The following RNF213 variants were observed in gnomAD, a reference collection of about 807,000 sequenced individuals.
RNF213 encodes the protein ring finger protein 213.
A neutral mutation model predicts 514.4 loss-of-function variants in RNF213; 341 were observed. The observed-to-expected ratio is 0.66, with a 90% confidence interval of 0.61 to 0.73. The LOEUF (loss-of-function observed/expected upper bound fraction) is 0.73, where lower values mean the gene tolerates loss of function less well. RNF213 is among the 30% of genes least tolerant of loss of function. RNF213 has a pLI of 0.00. For synonymous variants in RNF213, 2,655 were observed against 2,658.2 expected, an observed-to-expected ratio of 1.00 and a Z score of 0.04; for missense variants, 5,767 against 6,615.6, an observed-to-expected ratio of 0.87 and a Z score of 4.45.
intron 28 of RNF213, 123 bp from the exon 29 acceptor site, chr17:80,344,555 A>G: frequency 9.5e-7 from 1 of 1,051,868 alleles, no homozygotes. Context: ...ACAGAAAGCT[A>G]CATATTTTCA....
chr17:80,368,947 A>G (rs977151165), intron 44 of RNF213, among the ~76,000 whole-genome samples: 5 of 152,220 alleles, frequency 3.3e-5, no homozygotes, highest in Admixed American at 1.3e-4. Flanking sequence ...AGCCCAGTGG[A>G]TGGGTTCTTT....
In RNF213 at chr17:80,263,807, G is replaced by A; in HGVS notation, c.97+29G>A. On this transcript the variant is annotated intron_variant, in intron 2 of 67. Transcript: ENST00000582970. This position sits in a 1 kb window ranked among gnomAD's most constrained non-coding sequence, Gnocchi z 4.9. ...AGGCCCAGGGGTGCTGGTGGAGGCT[G>A]GGGCAGTGGGGACCCCTGGAGATGT... 1 of 1,596,544 alleles carries A rather than the reference G, an allele frequency of 6.3e-7. No individual in the cohort carries two copies. Among genetic ancestry groups the A allele is most frequent in the Non-Finnish European group, 8.6e-7 (1 of 1,164,106 alleles).
intron 39 of RNF213, 55 bp downstream of exon 39, chr17:80,361,943 T>G: frequency 6.4e-7 from 1 of 1,569,444 alleles, no homozygotes; most frequent in Non-Finnish European, 8.7e-7. Flanking sequence ...TGATGGGGAC[T>G]GGATGCAGAC....
intron 52 of RNF213, 44 bp downstream of exon 52, chr17:80,376,587 C>G: frequency 1.2e-6 from 2 of 1,613,020 alleles, no homozygotes; most frequent in South Asian, 2.2e-5. Flanking sequence ...TGGAACACCC[C>G]CCAGAGCTTG....
rs1444613517 is a variant in RNF213, at chr17:80,332,203, G to A, written c.3715G>A (p.Glu1239Lys). ...CCACATCTTCCAGCTCTTCTGGCGG[G>A]AAGCCGCAGAGCCGCTGAGTGAGCC... is the stretch of plus-strand genomic sequence containing the variant. ...DSHIFQLFWR[E>K]AAEPLSEPKE... The change falls in exon 21 of 68, where the codon GAA becomes AAA. Residue 1239 changes from glutamate (E) to lysine (K), a missense_variant. Physicochemically the swap from Glu to Lys is moderately conservative, Grantham distance 56. This residue lies in a region of RNF213 where 516 missense variants were observed against 566.5 expected (regional missense o/e 0.91). Transcript: ENST00000582970. The A allele has an allele frequency of 7.2e-6, 11 of 1,537,064 alleles. No individual in the cohort carries two copies. Among genetic ancestry groups the A allele is most frequent in the Non-Finnish European group, 9.6e-6 (11 of 1,146,926 alleles).
intron 11 of RNF213, among the ~76,000 whole-genome samples, chr17:80,300,191 G>A (rs2045123052): frequency 1.3e-5 from 2 of 151,936 alleles, no homozygotes; most frequent in Admixed American, 1.3e-4. Flanking sequence ...CTTTTTCTCC[G>A]CAACCTCACC....
At chr17:80,364,322 T>C (rs2079170706) in intron 41 of RNF213, 111 bp from the exon 42 acceptor site, 1 of 1,488,006 alleles carries the variant, frequency 6.7e-7, no homozygotes, top group East Asian at 2.3e-5. Flanking sequence ...TCCCAGCCGC[T>C]GGGCCTGGAC....
At chr17:80,269,756 A>G (rs2043756617) in intron 2 of RNF213, among the ~76,000 whole-genome samples, 1 of 151,634 alleles carries the variant, frequency 6.6e-6, no homozygotes, top group African/African-American at 2.4e-5. Flanking sequence ...CATCTTATCT[A>G]TCCATCCGTC....
At chr17:80,381,153 G>GT (rs1294441340) in intron 56 of RNF213, 166 bp downstream of exon 56, 2 of 755,190 alleles carry the variant, frequency 2.6e-6, no homozygotes, top group African/African-American at 3.4e-5. Context: ...CCCCTGTGGC[G>GT]TATGATGGTA....
rs189100545 is a variant in RNF213, at chr17:80,377,353, T to C, written c.13510+390T>C. Among the ~76,000 whole-genome samples, 3 of 152,116 alleles carry C rather than the reference T, an allele frequency of 2.0e-5. No individual in the cohort carries two copies. Among genetic ancestry groups the C allele is most frequent in the East Asian group, 3.9e-4 (2 of 5,168 alleles). On this transcript the variant is annotated intron_variant, in intron 53 of 67. Coordinates refer to ENST00000582970, the MANE Select transcript of RNF213 (RefSeq NM_001256071.3). This position sits in a 1 kb window ranked among gnomAD's most constrained non-coding sequence, Gnocchi z 4.1. ...TATAGAACCGGGAGACTGACTCATA[T>C]AACCCATGACATGTAAATTTTGCTG...
At chr17:80,281,551 C>CCGACTCACACCACTCACACA in intron 3 of RNF213, among the ~76,000 whole-genome samples, 1 of 63,684 alleles carries the variant, frequency 1.6e-5, no homozygotes, top group East Asian at 6.1e-4. Context: ...ACTCACACAC[C>CCGACTCACACCACTCACACA]CCCCAAGACA....
intron 5 of RNF213, 36 bp from the exon 6 acceptor site, chr17:80,289,623 C>T (rs753413070): frequency 3.2e-5 from 52 of 1,604,882 alleles, no homozygotes; most frequent in East Asian, 4.5e-5. Context: ...ATGTGGAGGC[C>T]GGCCTTCAAG....
At position 80,388,623 on chromosome 17, in the gene RNF213, T is replaced by C; in HGVS notation, c.14934T>C (p.Thr4978=). 6.2e-7 allele frequency: 1 copy of C among 1,610,684 alleles called. No individual in the cohort carries two copies. Among genetic ancestry groups the C allele is most frequent in the Non-Finnish European group, 8.5e-7 (1 of 1,177,222 alleles). ...CTTTCCCAATTTAGGGAATACCCAC[T>C]CTGGTGTACAGACACGACTGGAACT... ...KPRLSLKGIP[T]LVYRHDWNYE... Residue 4978 remains threonine (T), a synonymous_variant, in exon 64 of 68, where the codon ACT becomes ACC. Coordinates refer to ENST00000582970, the MANE Select transcript of RNF213 (RefSeq NM_001256071.3).
chr17:80,363,691 A>C lies in RNF213; in HGVS notation c.11651A>C (p.Gln3884Pro), dbSNP rs777715936. The C allele has an allele frequency of 1.9e-6, 3 of 1,614,026 alleles. No homozygotes were observed. The East Asian group carries it at 6.7e-5, about 36-fold the overall frequency. The change falls in exon 41 of 68, where the codon CAG becomes CCG. Residue 3884 changes from glutamine (Q) to proline (P), a missense_variant. Coordinates refer to ENST00000582970, the MANE Select transcript of RNF213 (RefSeq NM_001256071.3). Reference sequence around the variant, plus strand: ...AAGCCCAGTCCCCAGGCGTGGCTACAGTTGGTGAAGAATCTTTCCATGCCG... The same window carrying C: ...AAGCCCAGTCCCCAGGCGTGGCTACCGTTGGTGAAGAATCTTTCCATGCCG... ...TLKPSPQAWL[Q>P]LVKNLSMPLE...
rs2045994383 is a variant in RNF213, at chr17:80,317,713, G to T, written c.2901+436G>T. On this transcript the variant is annotated intron_variant, in intron 16 of 67. Coordinates refer to ENST00000582970, the MANE Select transcript of RNF213 (RefSeq NM_001256071.3). The surrounding 1 kb of genome is among the most constrained non-coding windows in gnomAD (Gnocchi z 4.1). ...GATTGAGGTGCCTGCAACCCCCGAA[G>T]CTCCAGAGGGCATGTTACAGTGCTC... Among the ~76,000 whole-genome samples the T allele has an allele frequency of 6.6e-6, 1 of 152,206 alleles. No homozygotes were observed. The highest frequency in any genetic ancestry group is 1.5e-5 in the Non-Finnish European group (1 of 68,040).
chr17:80,337,000 G>C (rs1365631598), intron 23 of RNF213: 1 of 165,692 alleles, frequency 6.0e-6, no homozygotes, highest in African/African-American at 2.4e-5. Context: ...AGATACCTGG[G>C]CCAGCCTCCG....
In RNF213 at chr17:80,394,986, A is replaced by C. The variant is rs1245500146; in HGVS notation, c.*1488A>C. On this transcript the variant is annotated 3_prime_UTR_variant, in exon 68 of 68. Transcript: ENST00000582970. ...GCTGAAGTCTTCAACTTGCACTCGG[A>C]GCTCCTTTGATACCTCAGAGCTGGC... is the stretch of plus-strand genomic sequence containing the variant. The C allele has an allele frequency of 6.6e-6, 1 of 151,810 alleles. No homozygotes were observed. Among genetic ancestry groups the C allele is most frequent in the African/African-American group, 2.4e-5 (1 of 41,264 alleles). 9.4% of individuals were successfully genotyped at this position (151,810 alleles called of 1,614,324 possible). A position where few individuals can be genotyped will look rare whatever the true frequency, so the allele number is the denominator to read the frequency against.
chr17:80,266,564 C>T (rs2043617526), intron 2 of RNF213, among the ~76,000 whole-genome samples: 1 of 152,002 alleles, frequency 6.6e-6, no homozygotes, highest in Non-Finnish European at 1.5e-5. Context: ...TGCAGTGGTG[C>T]CATTTCAGCT....
intron 46 of RNF213, among the ~76,000 whole-genome samples, chr17:80,370,810 G>A (rs1000132848): frequency 6.6e-6 from 1 of 152,176 alleles, no homozygotes; most frequent in African/African-American, 2.4e-5. Flanking sequence ...GTCCAGGGCT[G>A]GGCAGGCCTC....
Sources: allele counts gnomAD v4.1 joint callset (sites outside exome capture counted in the v4.1 genomes callset), GRCh38; gene constraint gnomAD v4.1.1; regional missense constraint gnomAD v4.1.1; non-coding constraint Gnocchi (gnomAD v3.1); transcripts MANE v1.5; gene names NCBI Gene and HGNC (gene_info 2026-07-23, HGNC 2026-07-21).